The following SULT1B1 variants were observed in gnomAD, a reference collection of about 807,000 sequenced individuals.
SULT1B1 encodes sulfotransferase family 1B member 1.
Under a neutral mutation model 34.6 loss-of-function variants are expected in SULT1B1, and 28 were observed. The observed-to-expected ratio is 0.81, with a 90% CI of 0.60 to 1.11. The LOEUF is 1.11. SULT1B1 is among the 50% of genes least tolerant of loss of function. The probability of loss-of-function intolerance (pLI) is 0.00; values close to 1 mark genes in which losing one functional copy is unlikely to be tolerated. For missense variants in SULT1B1, 374 were observed against 352.2 expected (o/e 1.06, Z -0.50); for synonymous variants, 147 against 110.2 (o/e 1.33, Z -2.09).
chr4:69,738,557 T>G (rs1718407805), intron 4 of SULT1B1, among the ~76,000 whole-genome samples: 1 of 152,142 alleles, frequency 6.6e-6, no homozygotes, highest in African/African-American at 2.4e-5. Flanking sequence ...ATGATCCAAT[T>G]ACCTCCACCT....
intron 5 of SULT1B1, 115 bp downstream of exon 5, chr4:69,734,023 G>T: frequency 2.2e-6 from 2 of 901,420 alleles, no homozygotes; most frequent in Non-Finnish European, 3.1e-6. Flanking sequence ...GATAATATTT[G>T]AACATACTTT....
chr4:69,726,170 A>G lies in SULT1B1; in HGVS notation c.*918T>C. 1 of 149,252 alleles carries G rather than the reference A, an allele frequency of 6.7e-6. No homozygotes were observed. Among genetic ancestry groups the G allele is most frequent in the South Asian group, 2.2e-4 (1 of 4,650 alleles). 9.2% of individuals were successfully genotyped at this position (149,252 alleles called of 1,614,324 possible). On this transcript the variant is annotated 3_prime_UTR_variant, in exon 8 of 8. Coordinates refer to ENST00000310613, the MANE Select transcript of SULT1B1 (RefSeq NM_014465.4). ...AGAAGGAACATTGGGTCAAGAGGGC[A>G]GAGTGGAGATTCAGCCTAGAGAGTC...
chr4:69,754,923 C>T (rs1221604969), intron 2 of SULT1B1, 125 bp from the exon 3 acceptor site: 1 of 1,277,558 alleles, frequency 7.8e-7, no homozygotes, highest in Non-Finnish European at 1.1e-6. Context: ...TTCTATGCAC[C>T]AAATGCCAAT....
At position 69,734,236 on chromosome 4, in the gene SULT1B1, T is replaced by A. The variant is rs754935432; in HGVS notation, c.404A>T (p.Asp135Val). 6.2e-6 allele frequency: 10 copies of A among 1,612,576 alleles called. No individual in the cohort carries two copies. The highest frequency in any genetic ancestry group is 1.7e-4 in the Middle Eastern group (1 of 6,058). ...KMIYLARNAK[D>V]VSVSYYHFDL... is the part of the protein sequence containing the mutation. ...AAAATGGTAATATGAGACTGAAACA[T>A]CCTTGGCATTACGAGCCAGATAAAT... Residue 135 changes from aspartate (D) to valine (V), a missense_variant, in exon 5 of 8, where the codon GAT (aspartate) becomes GTT (valine). Transcript: ENST00000310613.
At chr4:69,747,279 A>G (rs577205850) in intron 4 of SULT1B1, among the ~76,000 whole-genome samples, 3 of 152,374 alleles carry the variant, frequency 2.0e-5, no homozygotes, top group East Asian at 3.9e-4. Context: ...GTTACTGAGC[A>G]CTGGTGGGAG....
intron 1 of SULT1B1, chr4:69,758,385 G>A (rs1035335499): frequency 1.0e-6 from 1 of 985,058 alleles, no homozygotes; most frequent in Admixed American, 6.1e-5. Flanking sequence ...AGTCAACATA[G>A]TACATTCAGA....
At position 69,734,315 on chromosome 4, in the gene SULT1B1, G is replaced by A. The variant is rs150575308; in HGVS notation, c.376-51C>T. ...AAAAAAATAAGATAAAAGACATTTT[G>A]TTTAGGAAAAAATTAACCTATACGC... is the stretch of plus-strand genomic sequence containing the variant. On this transcript the variant is annotated intron_variant, in intron 4 of 7. Transcript: ENST00000310613. 98 of 1,572,964 alleles carry A rather than the reference G, an allele frequency of 6.2e-5. No individual in the cohort carries two copies. The African/African-American group carries it at 1.0e-3, about 17-fold the overall frequency.
rs11569735 is a variant in SULT1B1 at position 69,734,059 on chromosome 4, T to G, written c.502+79A>C. The stretch of plus-strand genomic sequence containing the variant: ...TCACTAGATTGGAAAAATAAGTATT[T>G]TGAAAGTCATAAAAGTTATTGTTAA... On this transcript the variant is annotated intron_variant, in intron 5 of 7. Transcript: ENST00000310613. The G allele has an allele frequency of 3.7e-3, 4,451 of 1,196,182 alleles. 128 individuals are homozygous for G. In the African/African-American group the frequency reaches 0.065, roughly 17 times the overall value. 74.1% of individuals were successfully genotyped at this position (1,196,182 alleles called of 1,614,324 possible). A position where few individuals can be genotyped will look rare whatever the true frequency, so the allele number is the denominator to read the frequency against.
At chr4:69,759,518 A>G (rs1464356721) in intron 1 of SULT1B1, among the ~76,000 whole-genome samples, 1 of 152,156 alleles carries the variant, frequency 6.6e-6, no homozygotes, top group Non-Finnish European at 1.5e-5. Flanking sequence ...TATGCTAGTC[A>G]CCTCTGGGAA....
chr4:69,743,218 A>C lies in SULT1B1; in HGVS notation c.375+6503T>G, dbSNP rs115964689. Among the ~76,000 whole-genome samples, 323 of 152,278 alleles carry C rather than the reference A, an allele frequency of 2.1e-3. 1 individual carries two copies. Among genetic ancestry groups the C allele is most frequent in the Non-Finnish European group, 4.0e-3 (273 of 68,014 alleles). On this transcript the variant is annotated intron_variant, in intron 4 of 7. Coordinates refer to ENST00000310613, the MANE Select transcript of SULT1B1 (RefSeq NM_014465.4). ...CCTGCATTCAGGAAGACTGAGGTAT[A>C]CAAACAAATAGAGGGTGAGCAAGAT...
intron 4 of SULT1B1, among the ~76,000 whole-genome samples, chr4:69,745,428 G>C (rs1476960279): frequency 6.6e-6 from 1 of 152,162 alleles, no homozygotes; most frequent in Non-Finnish European, 1.5e-5. Context: ...ACACCTTCTT[G>C]TTGAATTGAA....
At chr4:69,752,002 G>T (rs1299162245) in intron 3 of SULT1B1, among the ~76,000 whole-genome samples, 1 of 152,180 alleles carries the variant, frequency 6.6e-6, no homozygotes, top group Non-Finnish European at 1.5e-5. Context: ...TCAGTTCCAA[G>T]CTTTCCAAGG....
At chr4:69,737,132 A>T (rs1718351031) in intron 4 of SULT1B1, among the ~76,000 whole-genome samples, 1 of 152,180 alleles carries the variant, frequency 6.6e-6, no homozygotes, top group South Asian at 2.1e-4. Context: ...CATAATAAAA[A>T]TCACCAATTC....
intron 4 of SULT1B1, among the ~76,000 whole-genome samples, chr4:69,748,017 C>T (rs1284642950): frequency 6.6e-6 from 1 of 152,020 alleles, no homozygotes; most frequent in Non-Finnish European, 1.5e-5. Flanking sequence ...TTCATCTAGT[C>T]AACCATCTTG....
chr4:69,750,035 A>C (rs745740282), intron 3 of SULT1B1, among the ~76,000 whole-genome samples: 1 of 152,274 alleles, frequency 6.6e-6, no homozygotes, highest in Admixed American at 6.5e-5. Context: ...TCAAATGCTA[A>C]CTCTATCACT....
Position 69,730,498 on chromosome 4 carries a change from T to C in SULT1B1, c.778+3A>G, listed in dbSNP as rs1718031526. ...GGGAAATTAAACCCAGCAAAGTATTTACCTTTACGCATAAAAGGGGATTTG... is the reference window on the plus strand; with the variant it reads ...GGGAAATTAAACCCAGCAAAGTATTCACCTTTACGCATAAAAGGGGATTTG... On this transcript the variant is annotated splice_donor_region_variant and intron_variant, in intron 7 of 7. Coordinates refer to ENST00000310613, the MANE Select transcript of SULT1B1 (RefSeq NM_014465.4). 6.3e-7 allele frequency: 1 copy of C among 1,595,846 alleles called. No homozygotes were observed. Among genetic ancestry groups the C allele is most frequent in the Middle Eastern group, 1.7e-4 (1 of 5,972 alleles).
intron 4 of SULT1B1, among the ~76,000 whole-genome samples, chr4:69,748,935 C>G (rs937552337): frequency 6.6e-6 from 1 of 151,710 alleles, no homozygotes; most frequent in African/African-American, 2.4e-5. Flanking sequence ...AATATCAGTT[C>G]CTACTTAAAG....
intron 4 of SULT1B1, among the ~76,000 whole-genome samples, chr4:69,748,563 A>G (rs572144600): frequency 2.8e-4 from 42 of 152,354 alleles, no homozygotes; most frequent in African/African-American, 9.4e-4. Context: ...CCTACAAAGA[A>G]GAATATGCAA....
intron 4 of SULT1B1, among the ~76,000 whole-genome samples, chr4:69,737,902 C>A (rs1326787362): frequency 2.6e-5 from 4 of 152,028 alleles, no homozygotes; most frequent in African/African-American, 9.7e-5. Flanking sequence ...GGCGCATGTG[C>A]AGATTTGTTG....
Sources: allele counts gnomAD v4.1 joint callset (sites outside exome capture counted in the v4.1 genomes callset), GRCh38; gene constraint gnomAD v4.1.1; transcripts MANE v1.5; gene names NCBI Gene and HGNC (gene_info 2026-07-23, HGNC 2026-07-21).